RERE: variants seen among roughly 807,000 people sequenced by gnomAD.
RERE encodes the protein arginine-glutamic acid dipeptide repeats.
Under a neutral mutation model 146.1 loss-of-function variants are expected in RERE, and 40 were observed. The observed-to-expected ratio is 0.27, with a 90% CI of 0.21 to 0.36. The LOEUF (loss-of-function observed/expected upper bound fraction) is 0.36, where lower values mean the gene tolerates loss of function less well. RERE is among the 10% of genes least tolerant of loss of function. RERE has a pLI of 1.00. For missense variants in RERE, 1,933 were observed against 2,138.7 expected (o/e 0.90, Z 1.90); for synonymous variants, 1,003 against 866.0 (o/e 1.16, Z -2.78).
At chr1:8,757,090 CAAAAAAAAAA>C (rs34237128) in intron 1 of RERE, among the ~76,000 whole-genome samples, 2 of 59,496 alleles carry the variant, frequency 3.4e-5, no homozygotes, top group African/African-American at 1.4e-4. Context: ...AACTCCATCT[CAAAAAAAAAA>C]AAAAAAAAAA....
At chr1:8,631,000 G>T (rs1647028804) in intron 2 of RERE, among the ~76,000 whole-genome samples, 1 of 152,112 alleles carries the variant, frequency 6.6e-6, no homozygotes, top group African/African-American at 2.4e-5. Context: ...TACAAAGAAA[G>T]CCTCACTAAA....
intron 7 of RERE, among the ~76,000 whole-genome samples, chr1:8,522,120 C>A (rs1394508880): frequency 6.6e-6 from 1 of 152,188 alleles, no homozygotes; most frequent in African/African-American, 2.4e-5. Flanking sequence ...AAAAATAAAT[C>A]AGACTCATGC....
At position 8,605,845 on chromosome 1, in the gene RERE, C is replaced by CTTTTTTTTTTTTT. The variant is rs60346942; in HGVS notation, c.522+8703_522+8715dup. 5.4e-4 allele frequency among the ~76,000 whole-genome samples: 50 copies of CTTTTTTTTTTTTT among 93,216 alleles called. 9 individuals are homozygous for CTTTTTTTTTTTTT. The highest frequency in any genetic ancestry group is 1.7e-3 in the African/African-American group (39 of 23,334). The allele number at this position is 93,216 out of a possible 152,430, so 61.2% of individuals were successfully genotyped here. A position where few individuals can be genotyped will look rare whatever the true frequency, so the allele number is the denominator to read the frequency against. On this transcript the variant is annotated intron_variant, in intron 4 of 22. Transcript: ENST00000400908. The stretch of plus-strand genomic sequence containing the variant: ...ACAAATTTAAGTGTTAAATACCAAA[C>CTTTTTTTTTTTTT]TTTTTTTTTTTTTTTTTGAGACAGC...
At chr1:8,616,179 C>A (rs1235931752) in intron 3 of RERE, among the ~76,000 whole-genome samples, 1 of 152,204 alleles carries the variant, frequency 6.6e-6, no homozygotes, top group East Asian at 1.9e-4. Flanking sequence ...TCCTTACATT[C>A]AAATTAAGGG....
At chr1:8,796,037 G>GT (rs1641468062) in intron 1 of RERE, among the ~76,000 whole-genome samples, 1 of 147,262 alleles carries the variant, frequency 6.8e-6, no homozygotes. Flanking sequence ...TATAAATTAT[G>GT]TTTTAAACTA....
At chr1:8,657,178 G>A (rs1355218799) in intron 1 of RERE, among the ~76,000 whole-genome samples, 4 of 151,778 alleles carry the variant, frequency 2.6e-5, no homozygotes, top group Admixed American at 2.0e-4. Context: ...GGTGGCGGGC[G>A]CCTGTAGTCC....
chr1:8,362,012 G>A (rs1032824035), intron 16 of RERE, 136 bp from the exon 17 acceptor site: 5 of 627,000 alleles, frequency 8.0e-6, no homozygotes, highest in South Asian at 2.0e-5. Context: ...AGCTCTAGAA[G>A]GGTCAACTGG....
intron 6 of RERE, among the ~76,000 whole-genome samples, chr1:8,547,535 C>CTT (rs1179142197): frequency 6.6e-6 from 1 of 152,104 alleles, no homozygotes; most frequent in African/African-American, 2.4e-5. Context: ...GTATAAAGCA[C>CTT]TTTTTAAAAG....
Position 8,679,113 on chromosome 1 carries a change from G to T in RERE, c.-144-22672C>A, listed in dbSNP as rs570185475. Among the ~76,000 whole-genome samples, 69 of 152,260 alleles carry T rather than the reference G, an allele frequency of 4.5e-4. 2 individuals are homozygous for T. The South Asian group carries it at 0.014, about 32-fold the overall frequency. ...GCCACTGAAAGTTCTATTCCACAGTGCTGATCTAAAGCTAAATGTATGGTA... is the reference window on the plus strand; with the variant it reads ...GCCACTGAAAGTTCTATTCCACAGTTCTGATCTAAAGCTAAATGTATGGTA... On this transcript the variant is annotated intron_variant, in intron 1 of 22. Transcript: ENST00000400908.
At chr1:8,451,802 G>A (rs777948654) in intron 11 of RERE, among the ~76,000 whole-genome samples, 16 of 152,080 alleles carry the variant, frequency 1.1e-4, no homozygotes, top group Non-Finnish European at 2.2e-4. Flanking sequence ...AAGTTCTCCC[G>A]ATGACTCTAA....
chr1:8,501,423 G>T (rs1195523463), intron 8 of RERE, among the ~76,000 whole-genome samples: 1 of 70,420 alleles, frequency 1.4e-5, no homozygotes, highest in Admixed American at 1.2e-4. Context: ...CGTCCGGGAG[G>T]TGAGGGGCGC....
intron 4 of RERE, among the ~76,000 whole-genome samples, chr1:8,565,012 T>A (rs1181552840): frequency 6.6e-6 from 1 of 152,086 alleles, no homozygotes; most frequent in Admixed American, 6.5e-5. Context: ...GCTTATTACA[T>A]GTGGACTCAA....
At chr1:8,466,297 A>C (rs1369253003) in intron 10 of RERE, among the ~76,000 whole-genome samples, 1 of 152,164 alleles carries the variant, frequency 6.6e-6, no homozygotes, top group Non-Finnish European at 1.5e-5. Context: ...CATAAAGCAA[A>C]CATTTAGGGA....
intron 6 of RERE, among the ~76,000 whole-genome samples, chr1:8,543,953 T>C (rs865788360): frequency 2.6e-5 from 4 of 152,234 alleles, no homozygotes; most frequent in African/African-American, 9.6e-5. Flanking sequence ...TTTTTTATCC[T>C]TTCTTATGCT....
At chr1:8,663,566 T>C (rs757067240) in intron 1 of RERE, among the ~76,000 whole-genome samples, 2 of 152,158 alleles carry the variant, frequency 1.3e-5, no homozygotes, top group South Asian at 2.1e-4. Context: ...CTACAAAACA[T>C]TGTTTGCCTT....
At chr1:8,700,229 C>T (rs185969315) in intron 1 of RERE, among the ~76,000 whole-genome samples, 196 of 152,070 alleles carry the variant, frequency 1.3e-3, no homozygotes, top group Non-Finnish European at 4.4e-4. Context: ...CACTTGAACC[C>T]GGGAGACGGA....
chr1:8,817,630 C>A lies in RERE; in HGVS notation c.-615G>T, dbSNP rs1001931832. The A allele has an allele frequency of 6.6e-6, 1 of 150,876 alleles. No homozygotes were observed. Among genetic ancestry groups the A allele is most frequent in the Non-Finnish European group, 1.5e-5 (1 of 67,714 alleles). The allele number at this position is 150,876 out of a possible 1,614,324, so 9.3% of individuals were successfully genotyped here. A position where few individuals can be genotyped will look rare whatever the true frequency, so the allele number is the denominator to read the frequency against. ...AGGCTCCGGAGCGCGGAGGGTTGCT[C>A]GCGAGCGTCTGTGGGAACAGCGGCA... On this transcript the variant is annotated 5_prime_UTR_variant, in exon 1 of 23. Coordinates refer to ENST00000400908, the MANE Select transcript of RERE (RefSeq NM_001042681.2).
intron 1 of RERE, among the ~76,000 whole-genome samples, chr1:8,672,074 T>G (rs185436025): frequency 6.6e-4 from 101 of 152,186 alleles, no homozygotes; most frequent in African/African-American, 2.3e-3. Context: ...GCCAGGAGTT[T>G]GAGACCAGCG....
chr1:8,558,784 T>C (rs370496015), intron 4 of RERE, among the ~76,000 whole-genome samples: 2 of 149,674 alleles, frequency 1.3e-5, no homozygotes, highest in South Asian at 2.1e-4. Flanking sequence ...TGTTATTTCT[T>C]TTTTTTTTCC....
Sources: allele counts gnomAD v4.1 joint callset (sites outside exome capture counted in the v4.1 genomes callset), GRCh38; gene constraint gnomAD v4.1.1; transcripts MANE v1.5; gene names NCBI Gene and HGNC (gene_info 2026-07-23, HGNC 2026-07-21).